ZMYND8: variants seen among roughly 807,000 people sequenced by gnomAD.
ZMYND8 encodes MYND-type zinc finger-containing chromatin reader ZMYND8.
A neutral mutation model predicts 140.8 loss-of-function variants in ZMYND8; 37 were observed. That is an observed-to-expected ratio of 0.26 (90% confidence interval 0.20 to 0.35). ZMYND8 has a LOEUF of 0.35. ZMYND8 is among the 10% of genes least tolerant of loss of function. ZMYND8 has a pLI of 1.00. For synonymous variants in ZMYND8, 592 were observed against 597.1 expected, an observed-to-expected ratio of 0.99 and a Z score of 0.12; for missense variants, 1,068 against 1,570.0, an observed-to-expected ratio of 0.68 and a Z score of 5.40.
chr20:47,302,603 C>A (rs1483903019), intron 3 of ZMYND8, among the ~76,000 whole-genome samples: 1 of 152,118 alleles, frequency 6.6e-6, no homozygotes, highest in African/African-American at 2.4e-5. Context: ...ACTAGTCTTA[C>A]TTGATGTGTA....
At chr20:47,296,278 G>C (rs1394355505) in intron 4 of ZMYND8, among the ~76,000 whole-genome samples, 2 of 152,094 alleles carry the variant, frequency 1.3e-5, no homozygotes, top group East Asian at 3.9e-4. Context: ...CTTCTTCCTG[G>C]CTGGCAGTGC....
At chr20:47,308,012 G>A (rs1218540259) in intron 3 of ZMYND8, among the ~76,000 whole-genome samples, 1 of 151,270 alleles carries the variant, frequency 6.6e-6, no homozygotes, top group African/African-American at 2.4e-5. Context: ...CAGCTACTCG[G>A]GAGGCTGAGG....
At chr20:47,224,279 T>C in intron 19 of ZMYND8, 38 bp downstream of exon 19, 1 of 1,610,920 alleles carries the variant, frequency 6.2e-7, no homozygotes, top group Non-Finnish European at 8.5e-7. Context: ...GCCAAGCCAC[T>C]GCAGCCCAGG....
Position 47,332,133 on chromosome 20 carries a change from A to C in ZMYND8, c.85+15723T>G, listed in dbSNP as rs539555357. Among the ~76,000 whole-genome samples the C allele has an allele frequency of 2.6e-5, 4 of 152,306 alleles. No homozygotes were observed. In the South Asian group the frequency reaches 8.3e-4, roughly 32 times the overall value. ...CAAGACCAGCCTGACCAACATGGTG[A>C]AACCCCGTCTCTACTAAAAATACAA... On this transcript the variant is annotated intron_variant, in intron 2 of 22. Coordinates refer to ENST00000471951, the MANE Select transcript of ZMYND8 (RefSeq NM_001281775.3).
At chr20:47,256,479 G>C (rs2074734607) in intron 12 of ZMYND8, among the ~76,000 whole-genome samples, 1 of 152,128 alleles carries the variant, frequency 6.6e-6, no homozygotes, top group Non-Finnish European at 1.5e-5. Context: ...AATTAGCCAG[G>C]CATGGTGGCG....
At position 47,221,356 on chromosome 20, in the gene ZMYND8, T is replaced by C. The variant is rs374970648; in HGVS notation, c.3375A>G (p.Lys1125=). Residue 1125 remains lysine (K), a synonymous_variant, in exon 20 of 23, where the codon AAA becomes AAG. Coordinates refer to ENST00000471951, the MANE Select transcript of ZMYND8 (RefSeq NM_001281775.3). ...TTTTCTCAGCTGACGTCTCCTTCTCTTTGGAGGCGCTGGCCGTTTCTGAAG... is the reference window on the plus strand; with the variant it reads ...TTTTCTCAGCTGACGTCTCCTTCTCCTTGGAGGCGCTGGCCGTTTCTGAAG... The part of the protein sequence containing the change: ...SAPSETASAS[K]EKETSAEKSK... 6.2e-6 allele frequency: 10 copies of C among 1,614,062 alleles called. No homozygotes were observed. In the African/African-American group the frequency reaches 1.3e-4, roughly 22 times the overall value.
At chr20:47,269,710 C>T (rs2075792348) in intron 11 of ZMYND8, among the ~76,000 whole-genome samples, 1 of 152,170 alleles carries the variant, frequency 6.6e-6, no homozygotes, top group Non-Finnish European at 1.5e-5. Context: ...CCTTTCCCTC[C>T]CATGCACCCC....
Position 47,294,733 on chromosome 20 carries a change from G to A in ZMYND8, c.500C>T (p.Thr167Ile), listed in dbSNP as rs1238550880. The change falls in exon 5 of 23, where the codon ACA becomes ATA. Residue 167 changes from threonine (T) to isoleucine (I), a missense_variant. By Grantham distance (89) the Thr-to-Ile change is moderately conservative (BLOSUM62 -1). Around this residue, in one of 10 missense-constraint regions of ZMYND8, gnomAD observed 109 missense variants for 314.9 expected, o/e 0.35. Coordinates refer to ENST00000471951, the MANE Select transcript of ZMYND8 (RefSeq NM_001281775.3). ...ECIETQSKAM[T>I]MLTIEQLSYL... The stretch of plus-strand genomic sequence containing the variant: ...GGATAACTGTTCAATGGTGAGCATT[G>A]TCATGGCTTTACTCTGGGTCTCGAT... 6.2e-7 allele frequency: 1 copy of A among 1,614,070 alleles called. No homozygotes were observed. The highest frequency in any genetic ancestry group is 8.5e-7 in the Non-Finnish European group (1 of 1,180,048).
chr20:47,288,920 G>A (rs2077087521), intron 7 of ZMYND8, among the ~76,000 whole-genome samples: 1 of 152,044 alleles, frequency 6.6e-6, no homozygotes, highest in African/African-American at 2.4e-5. Context: ...TGGCCAATAT[G>A]GCGAAACCCC....
At chr20:47,300,884 T>TTGTGTGTGTGTGTGTGTGTGTG (rs200833449) in intron 3 of ZMYND8, among the ~76,000 whole-genome samples, 1 of 130,296 alleles carries the variant, frequency 7.7e-6, no homozygotes, top group African/African-American at 2.8e-5. Context: ...ACAACTAATT[T>TTGTGTGTGTGTGTGTGTGTGTG]TGTGTGTGTG....
intron 4 of ZMYND8, among the ~76,000 whole-genome samples, chr20:47,295,113 G>A (rs2077554912): frequency 1.3e-5 from 2 of 152,190 alleles, no homozygotes; most frequent in Admixed American, 6.5e-5. Context: ...CAAAGGCCAG[G>A]TGGGCGTGGT....
At chr20:47,310,735 G>A (rs990790554) in intron 2 of ZMYND8, among the ~76,000 whole-genome samples, 3 of 147,718 alleles carry the variant, frequency 2.0e-5, no homozygotes, top group Non-Finnish European at 4.4e-5. Context: ...TCAGTGAGCC[G>A]AGATTGTGTC....
rs1254797556 is a variant in ZMYND8, at chr20:47,276,406, C to G, written c.1388G>C (p.Gly463Ala). ...PMSTNSSVHT[G>A]SDVEQDAEKK... ...CTCAGCATCCTGCTCCACGTCGGAG[C>G]CCGTGTGCACAGAAGAGTTTGTGCT... Residue 463 changes from glycine to alanine, a missense_variant, in exon 11 of 23, where the codon GGC (glycine) becomes GCC (alanine). By Grantham distance (60) the Gly-to-Ala change is moderately conservative. Around this residue, in one of 10 missense-constraint regions of ZMYND8, gnomAD observed 173 missense variants for 223.3 expected, o/e 0.77. Transcript: ENST00000471951. 6.2e-7 allele frequency: 1 copy of G among 1,611,512 alleles called. No individual in the cohort carries two copies.
At chr20:47,256,722 A>G (rs1363994713) in intron 12 of ZMYND8, among the ~76,000 whole-genome samples, 2 of 152,144 alleles carry the variant, frequency 1.3e-5, no homozygotes, top group Non-Finnish European at 2.9e-5. Context: ...ACATCTGAAA[A>G]ATCTGGGCCC....
chr20:47,319,244 C>T (rs2079703932), intron 2 of ZMYND8: 2 of 358,126 alleles, frequency 5.6e-6, no homozygotes, highest in Admixed American at 7.7e-5. Context: ...TAATTTATCA[C>T]CCTCAACAGC....
chr20:47,325,049 C>T (rs1035814049), intron 2 of ZMYND8, among the ~76,000 whole-genome samples: 3 of 152,096 alleles, frequency 2.0e-5, no homozygotes, highest in African/African-American at 7.2e-5. Context: ...GGACTACAGG[C>T]GTGCGCCACC....
At chr20:47,306,458 G>A (rs180789344) in intron 3 of ZMYND8, among the ~76,000 whole-genome samples, 132 of 151,858 alleles carry the variant, frequency 8.7e-4, no homozygotes, top group African/African-American at 3.0e-3. Context: ...TCCCTAAAAT[G>A]AATTCCTAAT....
chr20:47,263,395 G>C (rs577475504), intron 11 of ZMYND8, among the ~76,000 whole-genome samples: 1 of 152,316 alleles, frequency 6.6e-6, no homozygotes, highest in East Asian at 1.9e-4. Context: ...AGACTCCCCA[G>C]GGGCTTCGAA....
chr20:47,309,771 A>G (rs1201261608), intron 3 of ZMYND8, among the ~76,000 whole-genome samples: 1 of 152,072 alleles, frequency 6.6e-6, no homozygotes, highest in African/African-American at 2.4e-5. Context: ...AAGCATGAAA[A>G]AAAAAAAAAT....
Sources: allele counts gnomAD v4.1 joint callset (sites outside exome capture counted in the v4.1 genomes callset), GRCh38; gene constraint gnomAD v4.1.1; regional missense constraint gnomAD v4.1.1; transcripts MANE v1.5; gene names NCBI Gene and HGNC (gene_info 2026-07-23, HGNC 2026-07-21).